Variants in NRXN3 observed in about 807,000 individuals in gnomAD.
The protein encoded by NRXN3 is neurexin III.
Under a neutral mutation model 137.6 loss-of-function variants are expected in NRXN3, and 32 were observed. The ratio of observed to expected loss-of-function variants is 0.23; its 90% confidence interval spans 0.18 to 0.31. The LOEUF is 0.31. NRXN3 is among the 10% of genes least tolerant of loss of function. The probability of loss-of-function intolerance (pLI) is 1.00; values close to 1 mark genes in which losing one functional copy is unlikely to be tolerated. For synonymous variants in NRXN3, 798 were observed against 784.5 expected, an observed-to-expected ratio of 1.02 and a Z score of -0.29; for missense variants, 1,574 against 2,062.5, an observed-to-expected ratio of 0.76 and a Z score of 4.59.
At chr14:78,581,787 A>G (rs2097000353) in intron 4 of NRXN3, among the ~76,000 whole-genome samples, 1 of 152,122 alleles carries the variant, frequency 6.6e-6, no homozygotes, top group Admixed American at 6.5e-5. Flanking sequence ...GACCCCATAT[A>G]ATAGCTTACT....
intron 19 of NRXN3, among the ~76,000 whole-genome samples, chr14:79,709,311 A>G (rs1342851992): frequency 6.6e-6 from 1 of 152,116 alleles, no homozygotes; most frequent in Non-Finnish European, 1.5e-5. Flanking sequence ...AGTTCTCTTC[A>G]AGACAGGAAA....
intron 15 of NRXN3, among the ~76,000 whole-genome samples, chr14:79,215,382 G>A (rs1005845227): frequency 2.0e-5 from 3 of 147,404 alleles, no homozygotes; most frequent in Non-Finnish European, 4.5e-5. Context: ...ATGAAGTTGT[G>A]GAGTTGGGGT....
chr14:79,849,220 G>A (rs1195844952), intron 20 of NRXN3, among the ~76,000 whole-genome samples: 2 of 152,144 alleles, frequency 1.3e-5, no homozygotes, highest in Non-Finnish European at 2.9e-5. Flanking sequence ...CTTCCCAAAA[G>A]TCCATTCTCC....
intron 4 of NRXN3, among the ~76,000 whole-genome samples, chr14:78,477,975 G>A (rs556197601): frequency 6.6e-5 from 10 of 152,152 alleles, no homozygotes; most frequent in African/African-American, 2.4e-4. Context: ...CGCACACATA[G>A]TTGAGCCAAT....
intron 10 of NRXN3, among the ~76,000 whole-genome samples, chr14:78,816,865 TGCTG>T (rs1202563623): frequency 6.6e-6 from 1 of 152,222 alleles, no homozygotes; most frequent in Non-Finnish European, 1.5e-5. Context: ...TTCAAAATGT[TGCTG>T]TCACATATTT....
intron 11 of NRXN3, among the ~76,000 whole-genome samples, chr14:78,961,621 T>C (rs2099408334): frequency 6.6e-6 from 1 of 152,246 alleles, no homozygotes; most frequent in East Asian, 1.9e-4. Context: ...CGTGTGTTGA[T>C]ACGTTTAACC....
At chr14:78,248,623 C>T (rs1034720783) in intron 2 of NRXN3, among the ~76,000 whole-genome samples, 5 of 151,954 alleles carry the variant, frequency 3.3e-5, no homozygotes, top group Non-Finnish European at 7.4e-5. Flanking sequence ...TGTAAGAACC[C>T]GGTCATTTCC....
At chr14:78,553,555 C>A (rs2096712258) in intron 4 of NRXN3, among the ~76,000 whole-genome samples, 1 of 152,154 alleles carries the variant, frequency 6.6e-6, no homozygotes, top group African/African-American at 2.4e-5. Context: ...AGGCTTCTAT[C>A]AGCAAGAATC....
intron 10 of NRXN3, among the ~76,000 whole-genome samples, chr14:78,939,288 A>C (rs1316032095): frequency 1.3e-5 from 2 of 152,256 alleles, no homozygotes; most frequent in Admixed American, 1.3e-4. Context: ...TAAGATGTGA[A>C]ATTATAAATT....
intron 16 of NRXN3, among the ~76,000 whole-genome samples, chr14:79,608,466 A>G (rs901392407): frequency 6.6e-6 from 1 of 152,190 alleles, no homozygotes; most frequent in South Asian, 2.1e-4. Flanking sequence ...GTGAAGTGTC[A>G]TCTTCTTTCT....
chr14:79,537,464 C>T (rs969158991), intron 16 of NRXN3, among the ~76,000 whole-genome samples: 8 of 152,168 alleles, frequency 5.3e-5, no homozygotes, highest in Non-Finnish European at 7.4e-5. Context: ...CAACAGGCCC[C>T]GGTGTGTGAT....
chr14:79,027,045 A>G (rs1004452226), intron 15 of NRXN3, among the ~76,000 whole-genome samples: 11 of 146,636 alleles, frequency 7.5e-5, no homozygotes, highest in African/African-American at 2.5e-4. Flanking sequence ...CACTACCCCA[A>G]AAAGCAGGAC....
chr14:79,365,058 T>G (rs2093828752), intron 15 of NRXN3, among the ~76,000 whole-genome samples: 2 of 152,344 alleles, frequency 1.3e-5, no homozygotes, highest in South Asian at 4.1e-4. Context: ...TTTCGTCTCA[T>G]AAAATATTAG....
At chr14:78,280,200 T>G (rs1169580525) in intron 3 of NRXN3, among the ~76,000 whole-genome samples, 1 of 152,198 alleles carries the variant, frequency 6.6e-6, no homozygotes, top group Non-Finnish European at 1.5e-5. Flanking sequence ...ACCTTTTATT[T>G]TAGACAGAGG....
At chr14:79,342,329 G>A (rs2092651777) in intron 15 of NRXN3, among the ~76,000 whole-genome samples, 1 of 152,198 alleles carries the variant, frequency 6.6e-6, no homozygotes, top group Admixed American at 6.5e-5. Flanking sequence ...CAGCAACACA[G>A]GGTTGTCCCC....
intron 2 of NRXN3, among the ~76,000 whole-genome samples, chr14:78,263,774 G>T (rs971457493): frequency 2.0e-5 from 3 of 151,812 alleles, no homozygotes; most frequent in Non-Finnish European, 2.9e-5. Context: ...CATCAGATTT[G>T]CAGGTCTAAA....
chr14:78,968,115 T>A, intron 13 of NRXN3, 58 bp from the exon 14 acceptor site: 1 of 995,486 alleles, frequency 1.0e-6, no homozygotes, highest in Non-Finnish European at 1.3e-6. Flanking sequence ...ATCAAACTAG[T>A]TGACATGGTC....
intron 4 of NRXN3, among the ~76,000 whole-genome samples, chr14:78,531,228 A>G (rs1376615062): frequency 6.6e-6 from 1 of 152,164 alleles, no homozygotes; most frequent in Non-Finnish European, 1.5e-5. Context: ...TGTCAGAGTT[A>G]GCCTACCCTT....
chr14:78,629,637 T>G (rs569366272), intron 4 of NRXN3, among the ~76,000 whole-genome samples: 61 of 152,326 alleles, frequency 4.0e-4, no homozygotes, highest in African/African-American at 1.3e-3. Context: ...TAGCTACTTA[T>G]AATACAGAGG....
Sources: allele counts gnomAD v4.1 joint callset (sites outside exome capture counted in the v4.1 genomes callset), GRCh38; gene constraint gnomAD v4.1.1; transcripts MANE v1.5; gene names NCBI Gene and HGNC (gene_info 2026-07-23, HGNC 2026-07-21).